Variants in WDR70 observed in about 807,000 individuals in gnomAD.
The protein encoded by WDR70 is WD repeat-containing protein 70.
In WDR70, 53 loss-of-function variants were observed where a neutral mutation model predicts 88.6. That is an observed-to-expected ratio of 0.60 (90% CI 0.48 to 0.75). The LOEUF (loss-of-function observed/expected upper bound fraction) is 0.75. Among genes scored for constraint, WDR70 ranks in the 30% least tolerant of loss-of-function variants. The pLI, the probability that WDR70 is intolerant of heterozygous loss-of-function variation, is 0.00. For synonymous variants in WDR70, 280 were observed against 270.0 expected (o/e 1.04, Z -0.36); for missense variants, 610 against 823.2 (o/e 0.74, Z 3.17).
chr5:37,518,831 G>A (rs1374743965), intron 9 of WDR70, among the ~76,000 whole-genome samples: 1 of 152,036 alleles, frequency 6.6e-6, no homozygotes, highest in Non-Finnish European at 1.5e-5. Flanking sequence ...AGAGGTCCCT[G>A]CAGCCTTCCC....
chr5:37,672,166 C>G (rs1345233710), intron 10 of WDR70, among the ~76,000 whole-genome samples: 2 of 152,076 alleles, frequency 1.3e-5, no homozygotes, highest in African/African-American at 2.4e-5. Context: ...CTCAATTAAC[C>G]AGGGTCACAG....
chr5:37,385,843 G>A (rs535456137), intron 3 of WDR70, among the ~76,000 whole-genome samples: 64 of 151,990 alleles, frequency 4.2e-4, no homozygotes, highest in African/African-American at 1.5e-3. Context: ...TTGCTCTGTC[G>A]CCCAGACTGG....
chr5:37,421,904 G>C (rs781762742), intron 5 of WDR70, among the ~76,000 whole-genome samples: 2 of 151,666 alleles, frequency 1.3e-5, no homozygotes, highest in African/African-American at 2.4e-5. Flanking sequence ...CCTCTCTCTT[G>C]GTGGTTGTAA....
chr5:37,545,254 C>A (rs142856185), intron 9 of WDR70, among the ~76,000 whole-genome samples: 70 of 152,194 alleles, frequency 4.6e-4, no homozygotes, highest in African/African-American at 1.6e-3. Context: ...TTTTCTGCTT[C>A]TAATACAGTG....
At chr5:37,426,950 A>AT (rs1316121184) in intron 5 of WDR70, among the ~76,000 whole-genome samples, 10 of 151,666 alleles carry the variant, frequency 6.6e-5, no homozygotes, top group Admixed American at 1.3e-4. Context: ...TAATTTTTAA[A>AT]TTTTTTTTAG....
intron 13 of WDR70, among the ~76,000 whole-genome samples, chr5:37,708,682 G>A (rs1444788072): frequency 2.6e-5 from 4 of 152,238 alleles, no homozygotes; most frequent in East Asian, 1.9e-4. Context: ...TTTATAATGT[G>A]TAAGGGACAT....
rs188275153 is a variant in WDR70, at chr5:37,506,204, C to T, written c.841-10310C>T. 5 of 982,304 alleles carry T rather than the reference C, an allele frequency of 5.1e-6. No individual in the cohort carries two copies. In the Admixed American group the frequency reaches 8.4e-5, roughly 17 times the overall value. The allele number at this position is 982,304 out of a possible 1,614,324, so 60.8% of individuals were successfully genotyped here. On this transcript the variant is annotated intron_variant, in intron 8 of 17. Coordinates refer to ENST00000265107, the MANE Select transcript of WDR70 (RefSeq NM_018034.4). The stretch of plus-strand genomic sequence containing the variant: ...CACTGAAGTTCAAACTCTGGTATCA[C>T]AGTTCTGACTTGGTTGGAGTTGCTA...
At chr5:37,451,280 C>T (rs1738669811) in intron 7 of WDR70, among the ~76,000 whole-genome samples, 1 of 152,064 alleles carries the variant, frequency 6.6e-6, no homozygotes, top group African/African-American at 2.4e-5. Context: ...CATTTTCTAG[C>T]TGTAATTTCT....
At position 37,390,492 on chromosome 5, in the gene WDR70, A is replaced by G. The variant is rs577611153; in HGVS notation, c.176-1508A>G. ...GTAGCTGGGACTACAGGCGCCGGCC[A>G]CTACGCCTGGCTAATTTTTTTGTAT... On this transcript the variant is annotated intron_variant, in intron 3 of 17. Transcript: ENST00000265107. Among the ~76,000 whole-genome samples the G allele has an allele frequency of 2.6e-5, 4 of 151,968 alleles. No homozygotes were observed. The South Asian group carries it at 8.3e-4, about 32-fold the overall frequency.
In WDR70 at chr5:37,516,725, A is replaced by AT. The variant is rs71904509; in HGVS notation, c.917+149dup. 667 of 127,998 alleles carry AT rather than the reference A, an allele frequency of 5.2e-3. 4 individuals are homozygous for AT. Among genetic ancestry groups the AT allele is most frequent in the East Asian group, 0.029 (110 of 3,834 alleles). 7.9% of individuals were successfully genotyped at this position (127,998 alleles called of 1,614,324 possible). A position where few individuals can be genotyped will look rare whatever the true frequency, so the allele number is the denominator to read the frequency against. On this transcript the variant is annotated intron_variant, in intron 9 of 17. Transcript: ENST00000265107. ...TCTTATTATATACATATATATATAT[A>AT]TTTTTTTTTTTTTTAAGGGGGAGTC...
chr5:37,475,108 T>C (rs1403656551), intron 7 of WDR70, among the ~76,000 whole-genome samples: 2 of 150,918 alleles, frequency 1.3e-5, no homozygotes, highest in Non-Finnish European at 3.0e-5. Flanking sequence ...TTAGTAGAGA[T>C]GGGGTTTCGC....
chr5:37,731,444 C>T (rs151192233), intron 17 of WDR70, among the ~76,000 whole-genome samples: 205 of 152,166 alleles, frequency 1.3e-3, no homozygotes, highest in East Asian at 6.8e-3. Context: ...GGCTGGCCAG[C>T]GAAATAGCAT....
chr5:37,438,615 C>T (rs893587222), intron 6 of WDR70, among the ~76,000 whole-genome samples: 1 of 152,018 alleles, frequency 6.6e-6, no homozygotes, highest in Admixed American at 6.6e-5. Context: ...TTTCCCTTTT[C>T]AGTGAAACTA....
chr5:37,752,612 G>C lies in WDR70; in HGVS notation c.*39G>C. 1.4e-6 allele frequency: 2 copies of C among 1,448,420 alleles called. No homozygotes were observed. The highest frequency in any genetic ancestry group is 1.9e-6 in the Non-Finnish European group (2 of 1,046,912). The allele number at this position is 1,448,420 out of a possible 1,614,324, so 89.7% of individuals were successfully genotyped here. The stretch of plus-strand genomic sequence containing the variant: ...AGAGCTGTTTGCATGAGTGGGAGGG[G>C]TATGGGACAGGTTTGGGTTTTTTTT... On this transcript the variant is annotated 3_prime_UTR_variant, in exon 18 of 18. Coordinates refer to ENST00000265107, the MANE Select transcript of WDR70 (RefSeq NM_018034.4).
intron 9 of WDR70, among the ~76,000 whole-genome samples, chr5:37,540,188 C>T (rs1000680364): frequency 2.2e-4 from 34 of 152,052 alleles, no homozygotes; most frequent in African/African-American, 8.2e-4. Flanking sequence ...GGATAAAATA[C>T]AGTAAAATAT....
At chr5:37,425,502 C>T (rs1198540490) in intron 5 of WDR70, among the ~76,000 whole-genome samples, 1 of 152,108 alleles carries the variant, frequency 6.6e-6, no homozygotes, top group Non-Finnish European at 1.5e-5. Context: ...TGTAAAGGCC[C>T]TAAGGCAGTA....
At chr5:37,583,832 T>C (rs1391806881) in intron 9 of WDR70, among the ~76,000 whole-genome samples, 2 of 152,188 alleles carry the variant, frequency 1.3e-5, no homozygotes, top group Non-Finnish European at 2.9e-5. Flanking sequence ...CCCTAAAAGG[T>C]ACAAAATACA....
At chr5:37,526,091 C>T (rs911803798) in intron 9 of WDR70, among the ~76,000 whole-genome samples, 7 of 152,246 alleles carry the variant, frequency 4.6e-5, no homozygotes, top group East Asian at 1.9e-4. Flanking sequence ...TGAAACCGTT[C>T]GAATCAATGG....
At chr5:37,693,744 A>G (rs904201531) in intron 10 of WDR70, among the ~76,000 whole-genome samples, 4 of 152,234 alleles carry the variant, frequency 2.6e-5, no homozygotes, top group African/African-American at 9.6e-5. Context: ...ACCTAAAACC[A>G]TAAAAACCCT....
Sources: gnomAD v4.1 joint callset for allele counts (sites outside exome capture counted in the v4.1 genomes callset) on GRCh38, gnomAD v4.1.1 for gene constraint, MANE v1.5 for transcripts, NCBI Gene and HGNC (gene_info 2026-07-23, HGNC 2026-07-21) for gene names.